Variants in AVEN observed in about 807,000 individuals in gnomAD.
The protein encoded by AVEN is cell death regulator Aven.
Under a neutral mutation model 38.1 loss-of-function variants are expected in AVEN, and 41 were observed. The ratio of observed to expected loss-of-function variants is 1.08; its 90% CI spans 0.84 to 1.40. AVEN has a LOEUF of 1.40. Among genes scored for constraint, AVEN ranks in the 40% most tolerant of loss-of-function variants. The probability of loss-of-function intolerance (pLI) is 0.00; values close to 1 mark genes in which losing one functional copy is unlikely to be tolerated. For missense variants in AVEN, 605 were observed against 438.8 expected (o/e 1.38, Z -3.38); for synonymous variants, 206 against 171.8 (o/e 1.20, Z -1.56).
At chr15:34,073,519 C>CTTTTTTTT (rs10617421) in intron 1 of AVEN, among the ~76,000 whole-genome samples, 2 of 88,518 alleles carry the variant, frequency 2.3e-5, no homozygotes, top group African/African-American at 8.6e-5. Context: ...TTTCTTTTTT[C>CTTTTTTTT]TTTTTTTTTT....
rs555451588 is a variant in AVEN at position 34,004,590 on chromosome 15, T to C, written c.268-1381A>G. ...TTGTTTGTTTGTTATAATACTGGTATTGCAATTTTTTAAAGTGTTGTTAAC... is the reference window on the plus strand; with the variant it reads ...TTGTTTGTTTGTTATAATACTGGTACTGCAATTTTTTAAAGTGTTGTTAAC... On this transcript the variant is annotated intron_variant, in intron 1 of 5. Coordinates refer to ENST00000306730, the MANE Select transcript of AVEN (RefSeq NM_020371.3). 1.2e-4 allele frequency among the ~76,000 whole-genome samples: 18 copies of C among 152,252 alleles called. No homozygotes were observed. In the East Asian group the frequency reaches 3.5e-3, roughly 29 times the overall value.
chr15:33,953,627 C>CA (rs1237942955), intron 2 of AVEN, among the ~76,000 whole-genome samples: 1 of 152,140 alleles, frequency 6.6e-6, no homozygotes, highest in Non-Finnish European at 1.5e-5. Flanking sequence ...ATACTTTATA[C>CA]AAAAATTATT....
intron 1 of AVEN, among the ~76,000 whole-genome samples, chr15:34,024,856 T>G (rs2339351): frequency 0.65 from 95,028 of 146,220 alleles, 35,696 homozygotes; most frequent in Non-Finnish European, 0.85. Context: ...GCAAGACTCC[T>G]TCTCAAAAAA....
At chr15:33,955,259 T>A (rs1444258239) in intron 2 of AVEN, among the ~76,000 whole-genome samples, 1 of 152,192 alleles carries the variant, frequency 6.6e-6, no homozygotes, top group African/African-American at 2.4e-5. Context: ...GGGCATAGGG[T>A]TGAATTTTAA....
chr15:34,034,448 A>T (rs866151469), intron 1 of AVEN, among the ~76,000 whole-genome samples: 46 of 111,598 alleles, frequency 4.1e-4, no homozygotes, highest in African/African-American at 2.0e-3. Context: ...TTCTTTTTTA[A>T]AAAAAAAAAA....
At chr15:34,058,073 G>A (rs1002508357) in intron 5 of AVEN, among the ~76,000 whole-genome samples, 1 of 152,134 alleles carries the variant, frequency 6.6e-6, no homozygotes, top group Non-Finnish European at 1.5e-5. Flanking sequence ...TGAGTTCTAA[G>A]GCAGTTTGGT....
chr15:33,854,699 A>T, downstream of AVEN: 1 of 1,534,994 alleles, frequency 6.5e-7, no homozygotes, highest in Non-Finnish European at 8.7e-7. Flanking sequence ...AAAATAAGAA[A>T]AAATGTTTTA....
chr15:33,890,993 C>T lies in AVEN; in HGVS notation c.446-14998G>A, dbSNP rs1238099388. 3.9e-5 allele frequency among the ~76,000 whole-genome samples: 6 copies of T among 151,968 alleles called. No homozygotes were observed. The South Asian group carries it at 1.0e-3, about 26-fold the overall frequency. On this transcript the variant is annotated intron_variant, in intron 2 of 5. Transcript: ENST00000306730. ...GCGTGGTGGTGCACATGTGTAGTCC[C>T]AGCTACTTGAGAGGCTGAGATGAGA...
chr15:33,905,349 G>A (rs1892660141), intron 2 of AVEN, among the ~76,000 whole-genome samples: 1 of 152,026 alleles, frequency 6.6e-6, no homozygotes. Context: ...GAAAAATAAG[G>A]ATAATAACAC....
Position 33,867,696 on chromosome 15 carries a change from C to G in AVEN, c.772G>C (p.Asp258His), listed in dbSNP as rs749456950. ...AAGCPVLLGK[D>H]NPSPGPSRDS... ...CTTGAAGGACCCGGGCTTGGGTTGT[C>G]TTTGCCCAGCAACACAGGGCAGCCA... is the stretch of plus-strand genomic sequence containing the variant. Residue 258 changes from aspartate to histidine, a missense_variant, in exon 5 of 6, where the codon GAC becomes CAC. Physicochemically the swap from Asp to His is moderately conservative, Grantham distance 81. Coordinates refer to ENST00000306730, the MANE Select transcript of AVEN (RefSeq NM_020371.3). 2.5e-6 allele frequency: 4 copies of G among 1,614,160 alleles called. No individual in the cohort carries two copies. The South Asian group carries it at 3.3e-5, about 13-fold the overall frequency.
intron 1 of AVEN, among the ~76,000 whole-genome samples, chr15:34,017,507 G>A (rs1240677139): frequency 7.9e-6 from 1 of 127,260 alleles, no homozygotes; most frequent in African/African-American, 2.9e-5. Context: ...TTTTGAGACA[G>A]GGTCTTGCTA....
At chr15:34,043,038 G>A (rs1407528719), upstream of AVEN, among the ~76,000 whole-genome samples, 2 of 152,118 alleles carry the variant, frequency 1.3e-5, no homozygotes, top group South Asian at 2.1e-4. Flanking sequence ...ACGAGGTCAG[G>A]AGATTGAGAC....
At chr15:34,003,847 G>A (rs1897230895) in intron 1 of AVEN, among the ~76,000 whole-genome samples, 1 of 152,176 alleles carries the variant, frequency 6.6e-6, no homozygotes, top group Non-Finnish European at 1.5e-5. Flanking sequence ...AACAACTTGA[G>A]TTTGAAATAA....
downstream of AVEN, chr15:33,857,731 G>A: frequency 1.9e-6 from 3 of 1,609,766 alleles, no homozygotes; most frequent in Non-Finnish European, 2.5e-6. Flanking sequence ...AACCTTTCAA[G>A]GTAGAGAAGA....
intron 2 of AVEN, among the ~76,000 whole-genome samples, chr15:33,959,919 C>A (rs941977885): frequency 6.6e-6 from 1 of 152,066 alleles, no homozygotes; most frequent in African/African-American, 2.4e-5. Flanking sequence ...TGAGATTTAA[C>A]CAAAAATCAA....
chr15:33,986,376 T>G (rs1437714949), intron 2 of AVEN, among the ~76,000 whole-genome samples: 1 of 152,044 alleles, frequency 6.6e-6, no homozygotes, highest in Admixed American at 6.5e-5. Context: ...CCCAAAGTGC[T>G]GGGATTACAG....
chr15:33,908,793 A>C (rs1214327214), intron 2 of AVEN, among the ~76,000 whole-genome samples: 1 of 152,222 alleles, frequency 6.6e-6, no homozygotes, highest in Non-Finnish European at 1.5e-5. Context: ...TTTTAAAAAG[A>C]CAAATAATTC....
At position 34,063,657 on chromosome 15, in the gene AVEN, A is replaced by C. The variant is rs767306890; in HGVS notation, n.1127-225T>G. The C allele has an allele frequency of 1.2e-6, 2 of 1,614,176 alleles. No homozygotes were observed. Among genetic ancestry groups the C allele is most frequent in the Admixed American group, 3.3e-5 (2 of 60,018 alleles). On this transcript the variant is annotated intron_variant and non_coding_transcript_variant, in intron 4 of 11. Transcript: ENST00000675287. This position sits in a 1 kb window ranked among gnomAD's most constrained non-coding sequence, Gnocchi z 4.1. ...CTACCCTTCCTCAGAGGATGAGGAC[A>C]AGCCCGCCACTGACCCTGTCCTCCA...
downstream of AVEN, among the ~76,000 whole-genome samples, chr15:33,862,377 T>A (rs1036559680): frequency 4.5e-3 from 2 of 440 alleles, 1 homozygote; most frequent in South Asian, 0.5. Flanking sequence ...ACCAGCTAAT[T>A]TTTTTTTTTG....
Sources: allele counts gnomAD v4.1 joint callset (sites outside exome capture counted in the v4.1 genomes callset), GRCh38; gene constraint gnomAD v4.1.1; non-coding constraint Gnocchi (gnomAD v3.1); transcripts MANE v1.5; gene names NCBI Gene and HGNC (gene_info 2026-07-23, HGNC 2026-07-21).